Variants in MARK3 observed in about 807,000 individuals in gnomAD.
MARK3 encodes the protein MAP/microtubule affinity-regulating kinase 3.
In MARK3, 46 loss-of-function variants were observed where a neutral mutation model predicts 90.1. The observed-to-expected ratio is 0.51, with a 90% CI of 0.40 to 0.65. The LOEUF (loss-of-function observed/expected upper bound fraction) is 0.65, where lower values mean the gene tolerates loss of function less well. Ranked by LOEUF, MARK3 falls within the 30% of genes least tolerant of loss-of-function variation. The pLI is 0.00. For synonymous variants in MARK3, 321 were observed against 332.6 expected (o/e 0.97, Z 0.38); for missense variants, 818 against 947.2 (o/e 0.86, Z 1.79).
intron 1 of MARK3, among the ~76,000 whole-genome samples, chr14:103,389,341 G>A (rs541678730): frequency 6.7e-6 from 1 of 150,234 alleles, no homozygotes; most frequent in Non-Finnish European, 1.5e-5. Flanking sequence ...TCCAGCCTGG[G>A]CGACAGAGCC....
chr14:103,446,596 G>A (rs545564286), intron 3 of MARK3, among the ~76,000 whole-genome samples: 1 of 152,232 alleles, frequency 6.6e-6, no homozygotes, highest in Admixed American at 6.5e-5. Context: ...TACCTTTGAG[G>A]GGTATGCAGA....
At chr14:103,477,612 C>T (rs1046861864) in intron 13 of MARK3, among the ~76,000 whole-genome samples, 1 of 152,100 alleles carries the variant, frequency 6.6e-6, no homozygotes, top group African/African-American at 2.4e-5. Flanking sequence ...GTGGGCAATG[C>T]GGTGGCATTT....
At chr14:103,441,189 GTC>G (rs946383491) in intron 3 of MARK3, among the ~76,000 whole-genome samples, 6 of 152,114 alleles carry the variant, frequency 3.9e-5, no homozygotes, top group East Asian at 3.8e-4. Flanking sequence ...TCTTGATACT[GTC>G]TCTCAGTGAA....
chr14:103,395,536 C>A (rs1390512614), intron 1 of MARK3, among the ~76,000 whole-genome samples: 1 of 152,130 alleles, frequency 6.6e-6, no homozygotes, highest in Non-Finnish European at 1.5e-5. Flanking sequence ...CTGAGATCTC[C>A]CTTCACCCAT....
intron 7 of MARK3, 99 bp from the exon 8 acceptor site, chr14:103,465,458 C>T: frequency 1.3e-6 from 1 of 773,938 alleles, no homozygotes; most frequent in Non-Finnish European, 2.2e-6. Context: ...GAGGTAACTT[C>T]ATATCATTAC....
At chr14:103,468,265 T>C in intron 12 of MARK3, 79 bp downstream of exon 12, 1 of 1,138,540 alleles carries the variant, frequency 8.8e-7, no homozygotes, top group Non-Finnish European at 1.2e-6. Context: ...ATTCTCTTGC[T>C]CAGAGCCTGG....
chr14:103,395,238 A>T (rs1164624627), intron 1 of MARK3, among the ~76,000 whole-genome samples: 1 of 152,178 alleles, frequency 6.6e-6, no homozygotes, highest in Non-Finnish European at 1.5e-5. Context: ...ACAACATATA[A>T]AAGGAGAAAT....
At chr14:103,394,580 A>G (rs1223073870) in intron 1 of MARK3, among the ~76,000 whole-genome samples, 1 of 152,256 alleles carries the variant, frequency 6.6e-6, no homozygotes, top group Non-Finnish European at 1.5e-5. Flanking sequence ...GTTATGTGGG[A>G]CCTTGAAGTT....
chr14:103,409,435 TAAAAAAAAAAAAAAAA>T lies in MARK3; in HGVS notation c.243+4183_243+4198del, dbSNP rs61200962. On this transcript the variant is annotated intron_variant, in intron 2 of 17. Coordinates refer to ENST00000429436, the MANE Select transcript of MARK3 (RefSeq NM_001128918.3). Reference sequence around the variant, plus strand: ...TGCACATGTATCCCAGAACTTAAAGTAAAAAAAAAAAAAAAAAAAAAAAAAAAAAAGGAAAAACTTT... The same window carrying T: ...TGCACATGTATCCCAGAACTTAAAGTAAAAAAAAAAAAAAGGAAAAACTTT... 2.0e-3 allele frequency among the ~76,000 whole-genome samples: 190 copies of T among 93,434 alleles called. 1 individual carries two copies. The highest frequency in any genetic ancestry group is 6.8e-3 in the African/African-American group (163 of 24,130). 61.3% of individuals were successfully genotyped at this position (93,434 alleles called of 152,430 possible). A position where few individuals can be genotyped will look rare whatever the true frequency, so the allele number is the denominator to read the frequency against.
Position 103,475,220 on chromosome 14 carries a change from G to A in MARK3, c.1482+10G>A, listed in dbSNP as rs1217051759. On this transcript the variant is annotated intron_variant, in intron 13 of 17. Transcript: ENST00000429436. The stretch of plus-strand genomic sequence containing the variant: ...CTCCACTGTCCCTAGTGTAAGTGTT[G>A]TTGAACTATAGAGTGGTCTTAGGGT... The A allele has an allele frequency of 1.9e-6, 3 of 1,611,618 alleles. No individual in the cohort carries two copies. Among genetic ancestry groups the A allele is most frequent in the Admixed American group, 1.7e-5 (1 of 59,976 alleles).
Position 103,503,456 on chromosome 14 carries a change from A to AGTC in MARK3, c.*231_*233dup. 1.8e-6 allele frequency: 1 copy of AGTC among 543,442 alleles called. No individual in the cohort carries two copies. Among genetic ancestry groups the AGTC allele is most frequent in the Non-Finnish European group, 3.3e-6 (1 of 306,912 alleles). 33.7% of individuals were successfully genotyped at this position (543,442 alleles called of 1,614,324 possible). A position where few individuals can be genotyped will look rare whatever the true frequency, so the allele number is the denominator to read the frequency against. Reference sequence around the variant, plus strand: ...CCTGCCCTACTTCCGTTACCCTGAGAGTCGGTGTGTGGCCCCATCTCCATG... The same window carrying AGTC: ...CCTGCCCTACTTCCGTTACCCTGAGAGTCGTCGGTGTGTGGCCCCATCTCCATG... On this transcript the variant is annotated 3_prime_UTR_variant, in exon 18 of 18. Transcript: ENST00000429436.
chr14:103,490,181 G>A (rs911499653), intron 14 of MARK3: 1 of 152,090 alleles, frequency 6.6e-6, no homozygotes, highest in Admixed American at 6.6e-5. Context: ...CAGGCATGGT[G>A]GAGTGCGCCT....
rs140512744 is a variant in MARK3, at chr14:103,409,586, C to G, written c.243+4319C>G. Among the ~76,000 whole-genome samples the G allele has an allele frequency of 1.0e-3, 157 of 151,712 alleles. 5 individuals carry two copies. The East Asian group carries it at 0.026, about 25-fold the overall frequency. On this transcript the variant is annotated intron_variant, in intron 2 of 17. Transcript: ENST00000429436. ...AATTCATTATGTAGAAAGTAAGTTC[C>G]TTGAAATTTGTCTCTTCAAAGACAA...
intron 14 of MARK3, among the ~76,000 whole-genome samples, chr14:103,481,058 C>T (rs763620698): frequency 6.6e-6 from 1 of 152,152 alleles, no homozygotes; most frequent in Non-Finnish European, 1.5e-5. Flanking sequence ...TTTAAAAAGA[C>T]AATGATGTTA....
At chr14:103,491,366 T>A in intron 14 of MARK3, 1 of 211,568 alleles carries the variant, frequency 4.7e-6, no homozygotes, top group South Asian at 6.8e-5. Flanking sequence ...TTTATACATA[T>A]ATCATTTGTT....
At chr14:103,490,329 C>G (rs1035573339) in intron 14 of MARK3, 2 of 152,122 alleles carry the variant, frequency 1.3e-5, no homozygotes, top group Non-Finnish European at 2.9e-5. Context: ...CACCAAACAA[C>G]ATAGGATACT....
chr14:103,503,448 A>G lies in MARK3; in HGVS notation c.*221A>G. 1 of 548,316 alleles carries G rather than the reference A, an allele frequency of 1.8e-6. No individual in the cohort carries two copies. The highest frequency in any genetic ancestry group is 3.2e-6 in the Non-Finnish European group (1 of 310,576). The allele number at this position is 548,316 out of a possible 1,614,324, so 34.0% of individuals were successfully genotyped here. A position where few individuals can be genotyped will look rare whatever the true frequency, so the allele number is the denominator to read the frequency against. Reference sequence around the variant, plus strand: ...ATGCGCCCCCTGCCCTACTTCCGTTACCCTGAGAGTCGGTGTGTGGCCCCA... The same window carrying G: ...ATGCGCCCCCTGCCCTACTTCCGTTGCCCTGAGAGTCGGTGTGTGGCCCCA... On this transcript the variant is annotated 3_prime_UTR_variant, in exon 18 of 18. Transcript: ENST00000429436.
Position 103,405,170 on chromosome 14 carries a change from A to C in MARK3, c.146A>C (p.Glu49Ala), listed in dbSNP as rs767880418. 45 of 1,601,654 alleles carry C rather than the reference A, an allele frequency of 2.8e-5. No homozygotes were observed. The highest frequency in any genetic ancestry group is 3.6e-5 in the Non-Finnish European group (42 of 1,176,808). Residue 49 changes from glutamate (E) to alanine (A), a missense_variant, in exon 2 of 18, where the codon GAA becomes GCA. Glu to Ala is a moderately radical substitution (Grantham distance 107). Transcript: ENST00000429436. ...AACTCTATAGCCTCCTGTGCAGATG[A>C]ACAACCTCACATCGGAAACTACAGA... ...CRNSIASCAD[E>A]QPHIGNYRLL...
intron 6 of MARK3, among the ~76,000 whole-genome samples, chr14:103,457,608 CTG>C (rs1341468285): frequency 6.6e-6 from 1 of 152,158 alleles, no homozygotes; most frequent in Admixed American, 6.5e-5. Context: ...GTAACTGAAA[CTG>C]TTAATTAGTA....
Sources: allele counts gnomAD v4.1 joint callset (sites outside exome capture counted in the v4.1 genomes callset), GRCh38; gene constraint gnomAD v4.1.1; transcripts MANE v1.5; gene names NCBI Gene and HGNC (gene_info 2026-07-23, HGNC 2026-07-21).